ARHGAP29: variants seen among roughly 807,000 people sequenced by gnomAD.
ARHGAP29 encodes the protein Rho GTPase activating protein 29.
ARHGAP29 carries 43 observed loss-of-function variants against 122.6 expected under a neutral mutation model. The ratio of observed to expected loss-of-function variants is 0.35; its 90% CI spans 0.27 to 0.45. The LOEUF (loss-of-function observed/expected upper bound fraction) is 0.45. Ranked by LOEUF, ARHGAP29 falls within the 20% of genes least tolerant of loss-of-function variation. The pLI is 1.00. For missense variants in ARHGAP29, 1,303 were observed against 1,477.2 expected (o/e 0.88, Z 1.93); for synonymous variants, 506 against 497.1 (o/e 1.02, Z -0.24).
the ARHGAP29 span, among the ~76,000 whole-genome samples, chr1:94,313,980 T>G: frequency 6.6e-6 from 1 of 150,566 alleles, no homozygotes; most frequent in African/African-American, 2.5e-5. Context: ...TGTCGGGGGG[T>G]GGGGAGCTTG....
At chr1:94,262,099 C>A (rs1227876085) in intron 1 of ARHGAP29, among the ~76,000 whole-genome samples, 1 of 152,132 alleles carries the variant, frequency 6.6e-6, no homozygotes, top group Non-Finnish European at 1.5e-5. Context: ...AAAAAGGCCA[C>A]ACACCTACAA....
In ARHGAP29 at chr1:94,201,622, C is replaced by T. The variant is rs1570527982; in HGVS notation, c.1281+98G>A. On this transcript the variant is annotated intron_variant, in intron 12 of 22. Transcript: ENST00000260526. ...TTTTGGGCTCAAGTGATCCTCCCACCTCAGCCTCCCAAAGTGCTGGGATTA... is the reference window on the plus strand; with the variant it reads ...TTTTGGGCTCAAGTGATCCTCCCACTTCAGCCTCCCAAAGTGCTGGGATTA... The T allele has an allele frequency of 2.1e-5, 31 of 1,481,690 alleles. No individual in the cohort carries two copies. The South Asian group carries it at 3.7e-4, about 18-fold the overall frequency. 91.8% of individuals were successfully genotyped at this position (1,481,690 alleles called of 1,614,324 possible).
chr1:94,224,089 G>GT (rs1353736763), intron 2 of ARHGAP29, among the ~76,000 whole-genome samples: 5 of 152,154 alleles, frequency 3.3e-5, no homozygotes, highest in African/African-American at 1.2e-4. Context: ...GATTACAGGC[G>GT]TTAGCCACCA....
chr1:94,251,113 T>C (rs1366712757), intron 1 of ARHGAP29, among the ~76,000 whole-genome samples: 2 of 152,200 alleles, frequency 1.3e-5, no homozygotes, highest in African/African-American at 4.8e-5. Flanking sequence ...AATTATACTT[T>C]ACATTTCATA....
intron 1 of ARHGAP29, among the ~76,000 whole-genome samples, chr1:94,274,321 A>G (rs1274851708): frequency 6.6e-6 from 1 of 152,234 alleles, no homozygotes; most frequent in Non-Finnish European, 1.5e-5. Flanking sequence ...ATTTACAAAA[A>G]CAGGCCAGCT....
intron 1 of ARHGAP29, among the ~76,000 whole-genome samples, chr1:94,255,066 C>T (rs1303600814): frequency 6.6e-6 from 1 of 152,120 alleles, no homozygotes; most frequent in Non-Finnish European, 1.5e-5. Flanking sequence ...TGTTTGCCAC[C>T]CCCACGCCAC....
chr1:94,178,645 G>GT (rs998638703), intron 20 of ARHGAP29, among the ~76,000 whole-genome samples: 36 of 152,092 alleles, frequency 2.4e-4, no homozygotes, highest in Admixed American at 2.6e-4. Flanking sequence ...GATCTGAATT[G>GT]TAATAAAGGC....
intron 12 of ARHGAP29, chr1:94,193,844 T>A (rs1475558331): frequency 6.6e-6 from 1 of 152,226 alleles, no homozygotes; most frequent in Non-Finnish European, 1.5e-5. Flanking sequence ...ACCACTAGAA[T>A]GCAAGAAGAA....
chr1:94,229,313 T>C (rs1433397249), intron 2 of ARHGAP29, among the ~76,000 whole-genome samples: 1 of 151,858 alleles, frequency 6.6e-6, no homozygotes, highest in Non-Finnish European at 1.5e-5. Context: ...ATGAGATCTT[T>C]GTAATACTTT....
chr1:94,250,647 A>T (rs1232809986), intron 1 of ARHGAP29: 3 of 152,244 alleles, frequency 2.0e-5, no homozygotes, highest in Non-Finnish European at 4.4e-5. Context: ...GAATCAATTC[A>T]GACCTCATGC....
In ARHGAP29 at chr1:94,184,138, TAA is replaced by T. The variant is rs1433536182; in HGVS notation, c.2247+11_2247+12del. 1.2e-6 allele frequency: 2 copies of T among 1,601,556 alleles called. No homozygotes were observed. The highest frequency in any genetic ancestry group is 1.7e-6 in the Non-Finnish European group (2 of 1,176,998). The stretch of plus-strand genomic sequence containing the variant: ...TTAATTTAATGGTGGGTTTCAAGGG[TAA>T]AAATTTTTACCTGCCGAAGGTATAA... On this transcript the variant is annotated intron_variant, in intron 19 of 22. Transcript: ENST00000260526.
At chr1:94,285,427 T>A in the ARHGAP29 span, among the ~76,000 whole-genome samples, 2 of 151,792 alleles carry the variant, frequency 1.3e-5, no homozygotes. Context: ...TAATAGAGCA[T>A]GATAAGAGCT....
the ARHGAP29 span, among the ~76,000 whole-genome samples, chr1:94,290,493 T>C: frequency 6.6e-6 from 1 of 152,240 alleles, no homozygotes; most frequent in Non-Finnish European, 1.5e-5. Context: ...CTTGTTTTTC[T>C]AGTTCTTTTA....
upstream of ARHGAP29, among the ~76,000 whole-genome samples, chr1:94,277,396 T>C (rs1655229967): frequency 6.6e-6 from 1 of 152,216 alleles, no homozygotes; most frequent in African/African-American, 2.4e-5. Context: ...CTGTACTGAA[T>C]GAGACAGTTC....
At position 94,169,661 on chromosome 1, in the gene ARHGAP29, A is replaced by G. The variant is rs1337653006; in HGVS notation, c.*4208T>C. ...ACGTTTTCCTTTGAGCTGTTCACCA[A>G]TAAGACAGTGAGCCTTTCTCAGGTC... On this transcript the variant is annotated 3_prime_UTR_variant, in exon 23 of 23. Coordinates refer to ENST00000260526, the MANE Select transcript of ARHGAP29 (RefSeq NM_004815.4). Among the ~76,000 whole-genome samples the G allele has an allele frequency of 1.3e-5, 2 of 152,242 alleles. No homozygotes were observed. Among genetic ancestry groups the G allele is most frequent in the Non-Finnish European group, 2.9e-5 (2 of 68,038 alleles).
At chr1:94,222,882 T>C (rs1007273361) in intron 2 of ARHGAP29, among the ~76,000 whole-genome samples, 3 of 152,126 alleles carry the variant, frequency 2.0e-5, no homozygotes, top group Non-Finnish European at 2.9e-5. Context: ...ATTTTTAAAA[T>C]GAAATACAAG....
At chr1:94,288,110 C>T in the ARHGAP29 span, among the ~76,000 whole-genome samples, 7 of 152,190 alleles carry the variant, frequency 4.6e-5, no homozygotes, top group Non-Finnish European at 7.3e-5. Flanking sequence ...TACACTCCCA[C>T]CAACAGTGTA....
chr1:94,196,250 G>GTTTTTT (rs1557852105), intron 12 of ARHGAP29, among the ~76,000 whole-genome samples: 4 of 39,080 alleles, frequency 1.0e-4, no homozygotes, highest in African/African-American at 2.9e-4. Flanking sequence ...ATTTTTCCGT[G>GTTTTTT]TTTTTCTTTT....
chr1:94,188,819 A>C lies in ARHGAP29; in HGVS notation c.1681+18T>G. 1 of 1,589,104 alleles carries C rather than the reference A, an allele frequency of 6.3e-7. No homozygotes were observed. Among genetic ancestry groups the C allele is most frequent in the Non-Finnish European group, 8.6e-7 (1 of 1,164,200 alleles). On this transcript the variant is annotated intron_variant, in intron 15 of 22. Transcript: ENST00000260526. Reference sequence around the variant, plus strand: ...TCTTTCAATGAGTTTTCATTGCCAGACTTAAATATAGATGTACCTGGACTT... The same window carrying C: ...TCTTTCAATGAGTTTTCATTGCCAGCCTTAAATATAGATGTACCTGGACTT...
Sources: gnomAD v4.1 joint callset for allele counts (sites outside exome capture counted in the v4.1 genomes callset) on GRCh38, gnomAD v4.1.1 for gene constraint, MANE v1.5 for transcripts, NCBI Gene and HGNC (gene_info 2026-07-23, HGNC 2026-07-21) for gene names.